The following SDK2 variants were observed in gnomAD, a reference collection of about 807,000 sequenced individuals.
SDK2 encodes protein sidekick-2.
Under a neutral mutation model 253.9 loss-of-function variants are expected in SDK2, and 105 were observed. That is an observed-to-expected ratio of 0.41 (90% CI 0.35 to 0.49). SDK2 has a LOEUF of 0.49. SDK2 is among the 20% of genes least tolerant of loss of function. SDK2 has a pLI of 0.06. For synonymous variants in SDK2, 1,249 were observed against 1,234.9 expected, an observed-to-expected ratio of 1.01 and a Z score of -0.24; for missense variants, 2,608 against 3,003.0, an observed-to-expected ratio of 0.87 and a Z score of 3.07.
intron 1 of SDK2, among the ~76,000 whole-genome samples, chr17:73,540,485 G>C (rs1872086): frequency 0.67 from 102,207 of 152,174 alleles, 35,217 homozygotes; most frequent in African/African-American, 0.82. Context: ...TCTCATCACC[G>C]CTGTGATTCT....
intron 2 of SDK2, among the ~76,000 whole-genome samples, chr17:73,497,226 G>A (rs913660068): frequency 2.6e-5 from 4 of 152,120 alleles, no homozygotes; most frequent in East Asian, 1.9e-4. Flanking sequence ...ATCCAGCAGC[G>A]GTTGACACAG....
intron 37 of SDK2, 144 bp downstream of exon 37, chr17:73,368,263 T>C (rs2062702250): frequency 9.9e-6 from 7 of 710,414 alleles, no homozygotes; most frequent in Non-Finnish European, 1.5e-5. Context: ...AGGGTGTCTC[T>C]GGGGACCTGG....
chr17:73,549,810 G>GGGAA (rs900831209), intron 1 of SDK2, among the ~76,000 whole-genome samples: 6 of 152,148 alleles, frequency 3.9e-5, no homozygotes, highest in Non-Finnish European at 7.3e-5. Context: ...GAGGTGGCAT[G>GGGAA]ATGAGAGGCA....
At chr17:73,398,770 C>G (rs1319790261) in intron 22 of SDK2, among the ~76,000 whole-genome samples, 3 of 152,186 alleles carry the variant, frequency 2.0e-5, no homozygotes, top group African/African-American at 7.2e-5. Flanking sequence ...TCTTGAACAC[C>G]CCGGGTACTT....
intron 1 of SDK2, among the ~76,000 whole-genome samples, chr17:73,568,110 G>A (rs1021322917): frequency 1.3e-5 from 2 of 152,198 alleles, no homozygotes; most frequent in Admixed American, 1.3e-4. Context: ...TAGAAATGGG[G>A]CCTGGGGGAG....
At position 73,379,674 on chromosome 17, in the gene SDK2, G is replaced by T; in HGVS notation, c.4763-125C>A. On this transcript the variant is annotated intron_variant, in intron 34 of 44. Coordinates refer to ENST00000392650, the MANE Select transcript of SDK2 (RefSeq NM_001144952.2). The surrounding 1 kb of genome is among the most constrained non-coding windows in gnomAD (Gnocchi z 4.5). ...CACCCCCGCCATTCTAGCCCCCTCT[G>T]TGAAGGTGCATGAAGGAGGAGGTGA... is the stretch of plus-strand genomic sequence containing the variant. 1.6e-6 allele frequency: 1 copy of T among 641,878 alleles called. No individual in the cohort carries two copies. The allele number at this position is 641,878 out of a possible 1,614,324, so 39.8% of individuals were successfully genotyped here. A position where few individuals can be genotyped will look rare whatever the true frequency, so the allele number is the denominator to read the frequency against.
At position 73,393,641 on chromosome 17, in the gene SDK2, C is replaced by T. The variant is rs777650395; in HGVS notation, c.3817G>A (p.Glu1273Lys). The T allele has an allele frequency of 1.9e-6, 3 of 1,600,212 alleles. No individual in the cohort carries two copies. The highest frequency in any genetic ancestry group is 2.6e-6 in the Non-Finnish European group (3 of 1,169,758). The change falls in exon 27 of 45, where the codon GAA becomes AAA. Residue 1273 changes from glutamate to lysine, a missense_variant. Transcript: ENST00000392650. ...CGTGTGAAGGCCAGCACCTGGACTT[C>T]ATAGAGCACGTATTTGCCCAAGCCG... is the stretch of plus-strand genomic sequence containing the variant. Reference protein sequence around the residue: ...LTGLGKYVLYEVQVLAFTRIG... With the variant: ...LTGLGKYVLYKVQVLAFTRIG...
At chr17:73,554,544 A>G (rs1475411264) in intron 1 of SDK2, among the ~76,000 whole-genome samples, 1 of 152,204 alleles carries the variant, frequency 6.6e-6, no homozygotes, top group African/African-American at 2.4e-5. Flanking sequence ...GCCTTCCCTC[A>G]TGGCCCACAG....
intron 3 of SDK2, among the ~76,000 whole-genome samples, chr17:73,469,371 G>T (rs1197590639): frequency 6.6e-6 from 1 of 152,204 alleles, no homozygotes; most frequent in Non-Finnish European, 1.5e-5. Flanking sequence ...GAAGCTCAGG[G>T]TACCCCCATC....
chr17:73,590,583 A>G (rs780867740), intron 1 of SDK2, among the ~76,000 whole-genome samples: 1 of 152,200 alleles, frequency 6.6e-6, no homozygotes, highest in Non-Finnish European at 1.5e-5. Flanking sequence ...CACCCTGAGA[A>G]TGACCCTGGG....
Position 73,350,801 on chromosome 17 carries a change from G to A in SDK2, c.5759-11C>T. The A allele has an allele frequency of 6.2e-7, 1 of 1,605,416 alleles. No individual in the cohort carries two copies. Among genetic ancestry groups the A allele is most frequent in the Non-Finnish European group, 8.5e-7 (1 of 1,176,402 alleles). ...GGTTGGCTTTCTGGGCTGGAGCACAGATAGTCAGGTATATAGGGTGCTCAG... is the reference window on the plus strand; with the variant it reads ...GGTTGGCTTTCTGGGCTGGAGCACAAATAGTCAGGTATATAGGGTGCTCAG... On this transcript the variant is annotated splice_polypyrimidine_tract_variant and intron_variant, in intron 41 of 44. Transcript: ENST00000392650.
At chr17:73,362,109 T>C (rs552816838) in intron 38 of SDK2, among the ~76,000 whole-genome samples, 1 of 152,324 alleles carries the variant, frequency 6.6e-6, no homozygotes, top group South Asian at 2.1e-4. Flanking sequence ...TGTCTGTGTC[T>C]ACTGAGTAGC....
intron 1 of SDK2, among the ~76,000 whole-genome samples, chr17:73,539,329 TG>T (rs2044828379): frequency 6.6e-6 from 1 of 151,956 alleles, no homozygotes; most frequent in Non-Finnish European, 1.5e-5. Flanking sequence ...CAAAGGGAAG[TG>T]AAGTCTGTGA....
chr17:73,438,195 C>T (rs1419462182), intron 6 of SDK2, 41 bp from the exon 7 acceptor site: 79 of 1,518,336 alleles, frequency 5.2e-5, no homozygotes, highest in Non-Finnish European at 6.9e-5. Flanking sequence ...GCCATGAGGA[C>T]TCCCAGAGGC....
chr17:73,464,571 C>T (rs2063584910), intron 3 of SDK2, among the ~76,000 whole-genome samples: 1 of 152,240 alleles, frequency 6.6e-6, no homozygotes, highest in African/African-American at 2.4e-5. Flanking sequence ...AAGTTCTCTC[C>T]TTCCAGCCTC....
chr17:73,636,452 CCGAGGTGGG>C (rs956613931), intron 1 of SDK2, among the ~76,000 whole-genome samples: 1 of 151,900 alleles, frequency 6.6e-6, no homozygotes, highest in African/African-American at 2.4e-5. Flanking sequence ...CTTTGGGAGA[CCGAGGTGGG>C]CGAGTCACTT....
intron 3 of SDK2, among the ~76,000 whole-genome samples, chr17:73,471,408 G>A (rs1384521141): frequency 1.3e-5 from 2 of 152,146 alleles, no homozygotes; most frequent in Admixed American, 1.3e-4. Context: ...GACCAGCCTG[G>A]CCAACATGGT....
intron 1 of SDK2, among the ~76,000 whole-genome samples, chr17:73,641,549 T>C (rs1428089552): frequency 2.0e-5 from 3 of 152,086 alleles, no homozygotes; most frequent in Non-Finnish European, 4.4e-5. Context: ...TAGCTTTCAG[T>C]ATACCCAGGT....
At position 73,570,520 on chromosome 17, in the gene SDK2, T is replaced by C. The variant is rs1466961134; in HGVS notation, c.65-62923A>G. ...GACCCACCCAGCACCCCTCTTGTGA[T>C]GATGGCGGTGATGGTGATGGTGAGG... On this transcript the variant is annotated intron_variant, in intron 1 of 44. Transcript: ENST00000392650. The surrounding 1 kb of genome is among the most constrained non-coding windows in gnomAD (Gnocchi z 4.2). 6.6e-6 allele frequency among the ~76,000 whole-genome samples: 1 copy of C among 152,118 alleles called. No homozygotes were observed. The highest frequency in any genetic ancestry group is 1.5e-5 in the Non-Finnish European group (1 of 68,008).
Sources: gnomAD v4.1 joint callset for allele counts (sites outside exome capture counted in the v4.1 genomes callset) on GRCh38, gnomAD v4.1.1 for gene constraint, Gnocchi (gnomAD v3.1) non-coding constraint, MANE v1.5 for transcripts, NCBI Gene and HGNC (gene_info 2026-07-23, HGNC 2026-07-21) for gene names.